Variants in ADCY2 observed in about 807,000 individuals in gnomAD.
The protein encoded by ADCY2 is adenylate cyclase 2.
In ADCY2, 31 loss-of-function variants were observed where a neutral mutation model predicts 125.2. That is an observed-to-expected ratio of 0.25 (90% CI 0.19 to 0.33). The LOEUF (loss-of-function observed/expected upper bound fraction) is 0.33, where lower values mean the gene tolerates loss of function less well. Among genes scored for constraint, ADCY2 ranks in the 10% least tolerant of loss-of-function variants. ADCY2 has a pLI of 1.00. For synonymous variants in ADCY2, 512 were observed against 548.4 expected (o/e 0.93, Z 0.93); for missense variants, 904 against 1,418.2 (o/e 0.64, Z 5.82).
At chr5:7,602,551 T>C (rs1178123955) in intron 3 of ADCY2, among the ~76,000 whole-genome samples, 2 of 152,208 alleles carry the variant, frequency 1.3e-5, no homozygotes, top group African/African-American at 4.8e-5. Flanking sequence ...TTCCACACAA[T>C]GCTCCATTCA....
At chr5:7,755,090 AC>A (rs1742947836) in intron 15 of ADCY2, among the ~76,000 whole-genome samples, 1 of 152,138 alleles carries the variant, frequency 6.6e-6, no homozygotes, top group Admixed American at 6.5e-5. Flanking sequence ...GCCATCACCA[AC>A]CCCTATCCAA....
intron 4 of ADCY2, among the ~76,000 whole-genome samples, chr5:7,674,718 G>C (rs1740057879): frequency 6.6e-6 from 1 of 152,152 alleles, no homozygotes; most frequent in Admixed American, 6.5e-5. Context: ...AGGGTTAAAA[G>C]TCAAGCACAC....
chr5:7,727,687 G>A (rs145450584), intron 14 of ADCY2, among the ~76,000 whole-genome samples: 400 of 152,042 alleles, frequency 2.6e-3, no homozygotes, highest in African/African-American at 9.4e-3. Flanking sequence ...CATCCATTTT[G>A]TCCAAGTTCT....
At chr5:7,490,663 GCA>G (rs921601593) in intron 2 of ADCY2, among the ~76,000 whole-genome samples, 1 of 151,508 alleles carries the variant, frequency 6.6e-6, no homozygotes, top group Non-Finnish European at 1.5e-5. Context: ...ATGCATGCAT[GCA>G]CACACACACA....
intron 3 of ADCY2, among the ~76,000 whole-genome samples, chr5:7,587,451 T>A (rs1257296619): frequency 2.0e-5 from 3 of 152,218 alleles, no homozygotes; most frequent in Admixed American, 2.0e-4. Context: ...AGCATTGACA[T>A]CTATTATAAA....
chr5:7,525,912 C>T (rs777294578), intron 3 of ADCY2, among the ~76,000 whole-genome samples: 8 of 152,184 alleles, frequency 5.3e-5, no homozygotes, highest in Non-Finnish European at 1.2e-4. Flanking sequence ...TCCCTTGGCT[C>T]CTGCTCTGAT....
intron 12 of ADCY2, among the ~76,000 whole-genome samples, chr5:7,724,154 AC>A (rs1321781269): frequency 6.8e-6 from 1 of 146,248 alleles, no homozygotes; most frequent in African/African-American, 2.5e-5. Context: ...TTCTCTAGGA[AC>A]TAGATCCTTA....
At chr5:7,447,040 G>A (rs1440037868) in intron 2 of ADCY2, among the ~76,000 whole-genome samples, 5 of 152,106 alleles carry the variant, frequency 3.3e-5, no homozygotes, top group African/African-American at 9.7e-5. Context: ...TGCAGGTGAC[G>A]CATGTGTTTC....
At chr5:7,473,057 G>T (rs1036230031) in intron 2 of ADCY2, among the ~76,000 whole-genome samples, 16 of 151,934 alleles carry the variant, frequency 1.1e-4, no homozygotes, top group African/African-American at 3.9e-4. Flanking sequence ...TGGAACCCTG[G>T]GATGGGTTTC....
At chr5:7,699,511 G>A (rs1270431415) in intron 7 of ADCY2, among the ~76,000 whole-genome samples, 1 of 152,088 alleles carries the variant, frequency 6.6e-6, no homozygotes, top group Non-Finnish European at 1.5e-5. Context: ...CAATATAATT[G>A]TGCAGAAACC....
chr5:7,587,998 TAGAG>T lies in ADCY2; in HGVS notation c.571-38165_571-38162del, dbSNP rs565357225. On this transcript the variant is annotated intron_variant, in intron 3 of 24. Coordinates refer to ENST00000338316, the MANE Select transcript of ADCY2 (RefSeq NM_020546.3). Reference sequence around the variant, plus strand: ...AGAGAAAGAAAAAAGCTGTAAGTATTAGAGAGACAGTATAAATTTATTATTACTA... The same window carrying T: ...AGAGAAAGAAAAAAGCTGTAAGTATTAGACAGTATAAATTTATTATTACTA... Among the ~76,000 whole-genome samples, 224 of 152,276 alleles carry T rather than the reference TAGAG, an allele frequency of 1.5e-3. 4 individuals are homozygous for T. The highest frequency in any genetic ancestry group is 4.9e-3 in the African/African-American group (204 of 41,554).
chr5:7,666,352 T>C (rs914591972), intron 4 of ADCY2, among the ~76,000 whole-genome samples: 12 of 151,788 alleles, frequency 7.9e-5, no homozygotes, highest in Non-Finnish European at 1.8e-4. Flanking sequence ...CACTGCAAGC[T>C]CAGCCTCCCA....
At position 7,606,347 on chromosome 5, in the gene ADCY2, T is replaced by C. The variant is rs985708395; in HGVS notation, c.571-19820T>C. On this transcript the variant is annotated intron_variant, in intron 3 of 24. Transcript: ENST00000338316. ...TTTTAAAGGGAGAGAAAATTCTGACTGAGTGACAGTGTTCCTGTTTGGGCT... is the reference window on the plus strand; with the variant it reads ...TTTTAAAGGGAGAGAAAATTCTGACCGAGTGACAGTGTTCCTGTTTGGGCT... Among the ~76,000 whole-genome samples, 86 of 152,200 alleles carry C rather than the reference T, an allele frequency of 5.7e-4. 4 individuals carry two copies. The highest frequency in any genetic ancestry group is 1.5e-4 in the Non-Finnish European group (10 of 68,034).
At chr5:7,509,280 T>C (rs73737710) in intron 2 of ADCY2, among the ~76,000 whole-genome samples, 1,649 of 152,212 alleles carry the variant, frequency 0.011, 30 homozygotes, top group African/African-American at 0.038. Flanking sequence ...ACACATATGG[T>C]ATATGGATAT....
At chr5:7,679,158 G>A (rs1740234883) in intron 4 of ADCY2, among the ~76,000 whole-genome samples, 1 of 152,200 alleles carries the variant, frequency 6.6e-6, no homozygotes, top group Non-Finnish European at 1.5e-5. Flanking sequence ...CTGTGGGTGG[G>A]GAGGGCATCC....
At position 7,626,291 on chromosome 5, in the gene ADCY2, A is replaced by G. The variant is rs1430098583; in HGVS notation, c.695A>G (p.Lys232Arg). The G allele has an allele frequency of 6.2e-7, 1 of 1,614,042 alleles. No homozygotes were observed. Among genetic ancestry groups the G allele is most frequent in the Admixed American group, 1.7e-5 (1 of 59,996 alleles). The change falls in exon 4 of 25, where the codon AAG becomes AGG. Residue 232 changes from lysine to arginine, a missense_variant. Physicochemically the swap from Lys to Arg is conservative, Grantham distance 26. Around this residue, in one of 7 missense-constraint regions of ADCY2, gnomAD observed 117 missense variants for 248.0 expected, o/e 0.47. Coordinates refer to ENST00000338316, the MANE Select transcript of ADCY2 (RefSeq NM_020546.3). The part of the protein sequence containing the change: ...DTCNCIKSRI[K>R]LEFEKRQQER... ...TGTAATTGCATCAAGTCGCGGATCA[A>G]GTTGGAATTTGAAAAACGTCAACAG...
rs375438618 is a variant in ADCY2 at position 7,520,731 on chromosome 5, C to A, written c.409-7C>A. On this transcript the variant is annotated splice_region_variant and splice_polypyrimidine_tract_variant and intron_variant, in intron 2 of 24. Coordinates refer to ENST00000338316, the MANE Select transcript of ADCY2 (RefSeq NM_020546.3). ...TGACTCTTATTGTTCTTCTTCTCTG[C>A]CCGTAGGTATCGTTCTTCCTCTTCA... 1.9e-6 allele frequency: 3 copies of A among 1,613,892 alleles called. No individual in the cohort carries two copies. The highest frequency in any genetic ancestry group is 2.7e-5 in the African/African-American group (2 of 74,914).
intron 2 of ADCY2, among the ~76,000 whole-genome samples, chr5:7,492,742 G>A (rs539518831): frequency 3.3e-5 from 5 of 152,112 alleles, no homozygotes; most frequent in Non-Finnish European, 5.9e-5. Context: ...GGAGGTTAAC[G>A]GAGTGGCTTG....
intron 18 of ADCY2, among the ~76,000 whole-genome samples, chr5:7,781,626 G>A (rs1272639271): frequency 6.6e-6 from 1 of 152,202 alleles, no homozygotes; most frequent in Non-Finnish European, 1.5e-5. Context: ...ACATCCTACT[G>A]TCAGACTTCT....
Sources: gnomAD v4.1 joint callset for allele counts (sites outside exome capture counted in the v4.1 genomes callset) on GRCh38, gnomAD v4.1.1 for gene constraint, gnomAD v4.1.1 regional missense constraint, MANE v1.5 for transcripts, NCBI Gene and HGNC (gene_info 2026-07-23, HGNC 2026-07-21) for gene names.